The following DOCK1 variants were observed in gnomAD, a reference collection of about 807,000 sequenced individuals.
DOCK1 encodes the protein dedicator of cytokinesis 1, also known as dedicator of cytokinesis protein 1.
In DOCK1, 138 loss-of-function variants were observed where a neutral mutation model predicts 262.7. That is an observed-to-expected ratio of 0.53 (90% CI 0.46 to 0.61). The LOEUF is 0.61. DOCK1 is among the 20% of genes least tolerant of loss of function. The pLI, the probability that DOCK1 is intolerant of heterozygous loss-of-function variation, is 0.00. For synonymous variants in DOCK1, 866 were observed against 867.4 expected (o/e 1.00, Z 0.03); for missense variants, 1,908 against 2,370.7 (o/e 0.80, Z 4.05).
rs540256322 is a variant in DOCK1, at chr10:127,243,846, A to G, written c.2848-4162A>G. Among the ~76,000 whole-genome samples the G allele has an allele frequency of 1.5e-4, 23 of 152,308 alleles. 1 individual carries two copies. In the South Asian group the frequency reaches 4.3e-3, roughly 29 times the overall value. The stretch of plus-strand genomic sequence containing the variant: ...TTCTTTCTGGACCACCTTTAAAAAT[A>G]TTAACATACTTTCTCTTTATAAAAA... On this transcript the variant is annotated intron_variant, in intron 27 of 51. Transcript: ENST00000623213.
chr10:127,354,820 G>C, intron 32 of DOCK1, 93 bp downstream of exon 32: 1 of 1,458,468 alleles, frequency 6.9e-7, no homozygotes, highest in Non-Finnish European at 9.5e-7. Context: ...GATGTCTTAA[G>C]ATCTTAATGG....
chr10:127,263,525 G>A (rs2060252993), intron 29 of DOCK1, among the ~76,000 whole-genome samples: 3 of 152,214 alleles, frequency 2.0e-5, no homozygotes, highest in South Asian at 2.1e-4. Context: ...ATGGCAAGAT[G>A]ACATTTAAGA....
intron 27 of DOCK1, among the ~76,000 whole-genome samples, chr10:127,158,351 T>C (rs970812812): frequency 3.3e-5 from 5 of 152,324 alleles, no homozygotes; most frequent in African/African-American, 9.6e-5. Context: ...TTTTGTAGAT[T>C]AGAAGTTTAG....
chr10:127,235,362 G>C (rs892935715), intron 27 of DOCK1, among the ~76,000 whole-genome samples: 1 of 676 alleles, frequency 1.5e-3, no homozygotes, highest in Non-Finnish European at 0.01. Context: ...TTTCTAGAAC[G>C]ACATTAAAAA....
intron 28 of DOCK1, among the ~76,000 whole-genome samples, chr10:127,250,736 G>A (rs1268815076): frequency 7.3e-6 from 1 of 137,632 alleles, no homozygotes; most frequent in Non-Finnish European, 1.5e-5. Context: ...AGGTTGCAGT[G>A]AGCCGAGATC....
At chr10:127,376,593 A>G (rs1013226887) in intron 35 of DOCK1, among the ~76,000 whole-genome samples, 2 of 152,218 alleles carry the variant, frequency 1.3e-5, no homozygotes, top group East Asian at 1.9e-4. Context: ...CATGGTGCCA[A>G]TGTGATTGAC....
At chr10:127,102,491 A>G (rs1459444533) in intron 23 of DOCK1, among the ~76,000 whole-genome samples, 5 of 152,222 alleles carry the variant, frequency 3.3e-5, no homozygotes, top group Non-Finnish European at 7.3e-5. Flanking sequence ...CATCCCAGAT[A>G]GCTATGGAAA....
chr10:127,155,631 C>T lies in DOCK1; in HGVS notation c.2847+27867C>T, dbSNP rs141077661. On this transcript the variant is annotated intron_variant, in intron 27 of 51. Transcript: ENST00000623213. Reference sequence around the variant, plus strand: ...TTGTAGTCCTTACCCCTTTCCTCCTCATGGCAAGCCCCAAGAATGCATTCC... The same window carrying T: ...TTGTAGTCCTTACCCCTTTCCTCCTTATGGCAAGCCCCAAGAATGCATTCC... 4.6e-4 allele frequency among the ~76,000 whole-genome samples: 70 copies of T among 152,284 alleles called. No homozygotes were observed. The East Asian group carries it at 0.013, about 28-fold the overall frequency.
Position 127,339,170 on chromosome 10 carries a change from A to G in DOCK1, c.3123+86A>G, listed in dbSNP as rs1417559101. 8 of 1,228,824 alleles carry G rather than the reference A, an allele frequency of 6.5e-6. No individual in the cohort carries two copies. In the Admixed American group the frequency reaches 1.0e-4, roughly 15 times the overall value. 76.1% of individuals were successfully genotyped at this position (1,228,824 alleles called of 1,614,324 possible). A position where few individuals can be genotyped will look rare whatever the true frequency, so the allele number is the denominator to read the frequency against. On this transcript the variant is annotated intron_variant, in intron 30 of 51. Coordinates refer to ENST00000623213, the MANE Select transcript of DOCK1 (RefSeq NM_001290223.2). ...CGAGCCAGTATCTTACAGTATTTCT[A>G]ATCCTTGAACTTAATTGGTCTCCCA...
At chr10:127,260,951 CTGTG>C (rs563614888) in intron 29 of DOCK1, among the ~76,000 whole-genome samples, 19 of 73,666 alleles carry the variant, frequency 2.6e-4, no homozygotes, top group Non-Finnish European at 4.7e-4. Flanking sequence ...CCGTGCTCAT[CTGTG>C]TGTGTGCATG....
chr10:127,175,746 G>T lies in DOCK1; in HGVS notation c.2847+47982G>T, dbSNP rs780028933. ...GAGCAGCTGGTAATCGGGCTCTTCG[G>T]ATGGAGGCCGAGTGGAGTTTTGGAG... On this transcript the variant is annotated intron_variant, in intron 27 of 51. Coordinates refer to ENST00000623213, the MANE Select transcript of DOCK1 (RefSeq NM_001290223.2). The surrounding 1 kb of genome is among the most constrained non-coding windows in gnomAD (Gnocchi z 6.3). 6.2e-7 allele frequency: 1 copy of T among 1,614,118 alleles called. No individual in the cohort carries two copies.
intron 27 of DOCK1, chr10:127,138,098 G>A: frequency 7.7e-7 from 1 of 1,291,932 alleles, no homozygotes; most frequent in South Asian, 1.5e-5. Flanking sequence ...AGCAAGATTT[G>A]GGCATGATCA....
intron 27 of DOCK1, among the ~76,000 whole-genome samples, chr10:127,229,075 A>G (rs1021561158): frequency 3.9e-5 from 6 of 152,086 alleles, no homozygotes; most frequent in African/African-American, 1.2e-4. Flanking sequence ...TTTACTAAAA[A>G]ATACAAAAAA....
intron 23 of DOCK1, among the ~76,000 whole-genome samples, chr10:127,092,382 G>T (rs896058991): frequency 6.6e-6 from 1 of 152,194 alleles, no homozygotes; most frequent in Non-Finnish European, 1.5e-5. Flanking sequence ...CCCACCACGG[G>T]CCTGGCACTG....
chr10:126,981,035 C>A (rs1006554793), intron 3 of DOCK1, among the ~76,000 whole-genome samples: 4 of 151,566 alleles, frequency 2.6e-5, no homozygotes, highest in African/African-American at 9.7e-5. Flanking sequence ...GCAACCTCCA[C>A]TTCCCGGGTT....
At chr10:127,386,374 A>G (rs116613132) in intron 38 of DOCK1, among the ~76,000 whole-genome samples, 2,138 of 152,232 alleles carry the variant, frequency 0.014, 56 homozygotes, top group African/African-American at 0.049. Flanking sequence ...GTTAGGAACC[A>G]GGCTGCACAG....
In DOCK1 at chr10:127,360,680, T is replaced by TGG. The variant is rs1008198416; in HGVS notation, c.3284-1383_3284-1382dup. On this transcript the variant is annotated intron_variant, in intron 32 of 51. Coordinates refer to ENST00000623213, the MANE Select transcript of DOCK1 (RefSeq NM_001290223.2). ...CAATTAGGGGGGACAAATAAGGGAG[T>TGG]GGACAGCTCAAACGATTTCTCTTTC... Among the ~76,000 whole-genome samples, 56 of 151,970 alleles carry TGG rather than the reference T, an allele frequency of 3.7e-4. 1 individual carries two copies. Among genetic ancestry groups the TGG allele is most frequent in the Non-Finnish European group, 8.8e-5 (6 of 68,002 alleles).
intron 27 of DOCK1, among the ~76,000 whole-genome samples, chr10:127,237,410 C>T (rs1056546349): frequency 4.0e-5 from 6 of 150,472 alleles, no homozygotes; most frequent in Admixed American, 6.6e-5. Flanking sequence ...ATGAAAAGAG[C>T]GAGGGTGATG....
At chr10:127,336,374 C>T (rs2063191274) in intron 29 of DOCK1, among the ~76,000 whole-genome samples, 1 of 151,952 alleles carries the variant, frequency 6.6e-6, no homozygotes, top group Non-Finnish European at 1.5e-5. Context: ...CAGCTTTCCT[C>T]ATGCTACTTG....
Sources: gnomAD v4.1 joint callset for allele counts (sites outside exome capture counted in the v4.1 genomes callset) on GRCh38, gnomAD v4.1.1 for gene constraint, Gnocchi (gnomAD v3.1) non-coding constraint, MANE v1.5 for transcripts, NCBI Gene and HGNC (gene_info 2026-07-23, HGNC 2026-07-21) for gene names.